The following SLC24A1 variants were observed in gnomAD, a reference collection of about 807,000 sequenced individuals.
SLC24A1 encodes the protein sodium/potassium/calcium exchanger 1.
In SLC24A1, 52 loss-of-function variants were observed where a neutral mutation model predicts 88.1. That is an observed-to-expected ratio of 0.59 (90% CI 0.47 to 0.74). The LOEUF is 0.74. Among genes scored for constraint, SLC24A1 ranks in the 30% least tolerant of loss-of-function variants. The probability of loss-of-function intolerance (pLI) is 0.00; values close to 1 mark genes in which losing one functional copy is unlikely to be tolerated. For synonymous variants in SLC24A1, 455 were observed against 498.0 expected (o/e 0.91, Z 1.15); for missense variants, 1,173 against 1,363.3 (o/e 0.86, Z 2.20).
At chr15:65,646,448 A>C in intron 6 of SLC24A1, among the ~76,000 whole-genome samples, 3 of 146,420 alleles carry the variant, frequency 2.0e-5, no homozygotes, top group Non-Finnish European at 3.0e-5. Flanking sequence ...TTTCTCCTCC[A>C]TTTTCATATA....
intron 1 of SLC24A1, among the ~76,000 whole-genome samples, chr15:65,623,429 T>G (rs187795790): frequency 6.6e-6 from 1 of 152,320 alleles, no homozygotes; most frequent in East Asian, 1.9e-4. Flanking sequence ...ACTTTTAAGC[T>G]TTGCCCACTC....
chr15:65,630,268 G>T lies in SLC24A1; in HGVS notation c.1890+4298G>T, dbSNP rs867790772. Among the ~76,000 whole-genome samples, 23 of 152,314 alleles carry T rather than the reference G, an allele frequency of 1.5e-4. 2 individuals are homozygous for T. In the Middle Eastern group the frequency reaches 0.027, roughly 180 times the overall value. On this transcript the variant is annotated intron_variant, in intron 2 of 9. Coordinates refer to ENST00000261892, the MANE Select transcript of SLC24A1 (RefSeq NM_004727.3). ...ACCTCCCAAAGTGCTGGGATTACAG[G>T]TGTGAGCCACCACCACGCCTGGTCC...
downstream of SLC24A1, among the ~76,000 whole-genome samples, chr15:65,656,989 C>T (rs1032153064): frequency 3.9e-5 from 6 of 152,154 alleles, no homozygotes; most frequent in African/African-American, 1.4e-4. Context: ...CCCGCCTCAG[C>T]CCCCCAAGTA....
chr15:65,630,165 G>A (rs909956205), intron 2 of SLC24A1, among the ~76,000 whole-genome samples: 5 of 151,986 alleles, frequency 3.3e-5, no homozygotes, highest in Admixed American at 1.3e-4. Flanking sequence ...GTGGGGAGGG[G>A]GAGGATATGG....
chr15:65,652,447 G>C, intron 8 of SLC24A1, 195 bp from the exon 9 acceptor site: 1 of 531,144 alleles, frequency 1.9e-6, no homozygotes, highest in Non-Finnish European at 3.3e-6. Context: ...CCTGTGGCCA[G>C]GAGCAGGAGT....
chr15:65,651,234 A>G (rs2075493846), intron 7 of SLC24A1, among the ~76,000 whole-genome samples: 1 of 152,172 alleles, frequency 6.6e-6, no homozygotes, highest in African/African-American at 2.4e-5. Context: ...TTTTAATTTG[A>G]GAATGATACC....
chr15:65,645,566 G>A, intron 5 of SLC24A1, 46 bp from the exon 6 acceptor site: 2 of 1,447,176 alleles, frequency 1.4e-6, no homozygotes, highest in Non-Finnish European at 1.9e-6. Context: ...GCTTCCTTCA[G>A]AACCTTGTCC....
chr15:65,649,802 C>G (rs1003886655), intron 6 of SLC24A1, among the ~76,000 whole-genome samples: 1 of 152,172 alleles, frequency 6.6e-6, no homozygotes, highest in Non-Finnish European at 1.5e-5. Context: ...ATTGTGACCA[C>G]CAAAGGATGT....
intron 2 of SLC24A1, among the ~76,000 whole-genome samples, chr15:65,635,465 A>AAAAAG (rs1555405103): frequency 4.9e-5 from 7 of 143,716 alleles, no homozygotes; most frequent in African/African-American, 7.9e-5. Context: ...AAAAAAAAAA[A>AAAAAG]AAAAAGAAAA....
intron 1 of SLC24A1, among the ~76,000 whole-genome samples, chr15:65,623,382 C>T (rs567721658): frequency 6.6e-6 from 1 of 152,326 alleles, no homozygotes; most frequent in African/African-American, 2.4e-5. Flanking sequence ...ATGATCCTCC[C>T]ACCATGCCAT....
chr15:65,632,747 T>C (rs868060618), intron 2 of SLC24A1, among the ~76,000 whole-genome samples: 1 of 152,284 alleles, frequency 6.6e-6, no homozygotes, highest in South Asian at 2.1e-4. Context: ...CTCAAGGAGC[T>C]TAGTCTAATG....
In SLC24A1 at chr15:65,624,781, C is replaced by G. The variant is rs1207671854; in HGVS notation, c.701C>G (p.Thr234Ser). 1.9e-6 allele frequency: 3 copies of G among 1,613,968 alleles called. No homozygotes were observed. The highest frequency in any genetic ancestry group is 2.5e-6 in the Non-Finnish European group (3 of 1,179,858). ...DITATYKILE[T>S]NSLKRIMEET... is the part of the protein sequence containing the mutation. ...ACAGCAACCTATAAAATACTCGAAA[C>G]CAACTCTCTTAAGAGAATAATGGAG... Residue 234 changes from threonine (T) to serine (S), a missense_variant, in exon 2 of 10, where the codon ACC (threonine) becomes AGC (serine). Transcript: ENST00000261892.
intron 2 of SLC24A1, among the ~76,000 whole-genome samples, chr15:65,614,475 G>C (rs1383664148): frequency 6.6e-6 from 1 of 152,164 alleles, no homozygotes; most frequent in African/African-American, 2.4e-5. Context: ...GTAAGATCCA[G>C]ATATTGAAAT....
At chr15:65,614,215 C>T (rs1005883302) in intron 2 of SLC24A1, among the ~76,000 whole-genome samples, 6 of 152,130 alleles carry the variant, frequency 3.9e-5, no homozygotes, top group Admixed American at 6.6e-5. Context: ...ACACCCCTAC[C>T]GACTTCTCCC....
downstream of SLC24A1, chr15:65,660,431 A>C (rs2075816569): frequency 5.6e-6 from 4 of 709,586 alleles, no homozygotes; most frequent in East Asian, 2.8e-5. Context: ...TTATACACCT[A>C]ATTTGGGACT....
At chr15:65,629,152 T>TA (rs146603634) in intron 2 of SLC24A1, among the ~76,000 whole-genome samples, 1 of 152,328 alleles carries the variant, frequency 6.6e-6, no homozygotes, top group African/African-American at 2.4e-5. Flanking sequence ...CTTGGAAACA[T>TA]ACAATCAGCG....
At chr15:65,644,393 T>A (rs1301853675) in intron 4 of SLC24A1, 34 bp from the exon 5 acceptor site, 2 of 1,433,646 alleles carry the variant, frequency 1.4e-6, no homozygotes, top group Non-Finnish European at 1.9e-6. Flanking sequence ...ATCCTACAAT[T>A]CCAGGTAAGA....
At chr15:65,629,779 A>G (rs1182509891) in intron 2 of SLC24A1, among the ~76,000 whole-genome samples, 1 of 152,148 alleles carries the variant, frequency 6.6e-6, no homozygotes, top group Non-Finnish European at 1.5e-5. Context: ...CATCTACATG[A>G]GGTGTATGAT....
Position 65,656,023 on chromosome 15 carries a change from T to G in SLC24A1, c.*1944T>G. ...TTGCTGGGTTTCCATAGCCAAGGCC[T>G]AAGAACAGGAGGAGAAGGCAATGCT... On this transcript the variant is annotated 3_prime_UTR_variant, in exon 10 of 10. Transcript: ENST00000261892. 1.0e-6 allele frequency: 1 copy of G among 985,376 alleles called. No homozygotes were observed. The highest frequency in any genetic ancestry group is 1.7e-5 in the African/African-American group (1 of 57,348). The allele number at this position is 985,376 out of a possible 1,614,324, so 61.0% of individuals were successfully genotyped here.
Sources: allele counts gnomAD v4.1 joint callset (sites outside exome capture counted in the v4.1 genomes callset), GRCh38; gene constraint gnomAD v4.1.1; transcripts MANE v1.5; gene names NCBI Gene and HGNC (gene_info 2026-07-23, HGNC 2026-07-21).